Variants in PHF21B observed in about 807,000 individuals in gnomAD.
PHF21B encodes the protein PHD finger protein 21B.
In PHF21B, 22 loss-of-function variants were observed where a neutral mutation model predicts 62.2. The ratio of observed to expected loss-of-function variants is 0.35; its 90% CI spans 0.25 to 0.51. The LOEUF (loss-of-function observed/expected upper bound fraction) is 0.51, where lower values mean the gene tolerates loss of function less well. Ranked by LOEUF, PHF21B falls within the 20% of genes least tolerant of loss-of-function variation. The pLI, the probability that PHF21B is intolerant of heterozygous loss-of-function variation, is 0.97. For synonymous variants in PHF21B, 341 were observed against 314.7 expected, an observed-to-expected ratio of 1.08 and a Z score of -0.88; for missense variants, 701 against 707.9, an observed-to-expected ratio of 0.99 and a Z score of 0.11.
intron 2 of PHF21B, chr22:45,001,134 G>A (rs2073210185): frequency 6.6e-6 from 1 of 152,342 alleles, no homozygotes; most frequent in African/African-American, 2.4e-5. Context: ...CTGGAGATGA[G>A]CAGGGGGCTA....
intron 2 of PHF21B, among the ~76,000 whole-genome samples, chr22:44,947,190 G>A (rs146318563): frequency 1.6e-5 from 2 of 127,552 alleles, no homozygotes; most frequent in African/African-American, 5.8e-5. Flanking sequence ...CAAGATCCCC[G>A]CCCCCACCCT....
At chr22:45,008,007 A>G (rs9615002) in intron 2 of PHF21B, 151,990 of 151,998 alleles carry the variant, frequency 1, 75,991 homozygotes, top group Middle Eastern at 1. Context: ...AGAACTGGGG[A>G]GTCCCGGGGG....
At chr22:44,886,686 A>G (rs2070864833) in intron 10 of PHF21B, among the ~76,000 whole-genome samples, 1 of 148,262 alleles carries the variant, frequency 6.7e-6, no homozygotes, top group African/African-American at 2.5e-5. Context: ...GACCCTGTCT[A>G]CCAAAAAAAA....
chr22:44,893,179 G>A (rs952060815), intron 7 of PHF21B, among the ~76,000 whole-genome samples: 2 of 151,972 alleles, frequency 1.3e-5, no homozygotes, highest in Non-Finnish European at 2.9e-5. Context: ...GGGTGAAGAG[G>A]CAAGAAGCCG....
chr22:45,009,368 C>G lies in PHF21B; in HGVS notation c.54+128G>C. ...GCGCGTGTGCTCACTCCCTCGCCCCCCGCCCCCGGGCAGGCTCCAGCCTGG... is the reference window on the plus strand; with the variant it reads ...GCGCGTGTGCTCACTCCCTCGCCCCGCGCCCCCGGGCAGGCTCCAGCCTGG... On this transcript the variant is annotated intron_variant, in intron 1 of 12. Coordinates refer to ENST00000313237, the MANE Select transcript of PHF21B (RefSeq NM_138415.5). The surrounding 1 kb of genome is among the most constrained non-coding windows in gnomAD (Gnocchi z 5.9). The G allele has an allele frequency of 1.0e-6, 1 of 1,000,746 alleles. No individual in the cohort carries two copies. Among genetic ancestry groups the G allele is most frequent in the Non-Finnish European group, 1.4e-6 (1 of 711,548 alleles). 62.0% of individuals were successfully genotyped at this position (1,000,746 alleles called of 1,614,324 possible). A position where few individuals can be genotyped will look rare whatever the true frequency, so the allele number is the denominator to read the frequency against.
At chr22:44,971,641 GCT>G (rs1004447020) in intron 2 of PHF21B, among the ~76,000 whole-genome samples, 1 of 152,064 alleles carries the variant, frequency 6.6e-6, no homozygotes, top group Non-Finnish European at 1.5e-5. Flanking sequence ...CCCTTGGGCG[GCT>G]CTCTCTCTCC....
intron 2 of PHF21B, among the ~76,000 whole-genome samples, chr22:44,970,203 C>T (rs919664697): frequency 6.6e-6 from 1 of 152,222 alleles, no homozygotes; most frequent in Admixed American, 6.5e-5. Context: ...AGATTAAAAG[C>T]GTCCTGAAGG....
chr22:44,987,245 T>C (rs1601682513), intron 2 of PHF21B, among the ~76,000 whole-genome samples: 1 of 151,484 alleles, frequency 6.6e-6, no homozygotes, highest in African/African-American at 2.4e-5. Flanking sequence ...TAGGAAAAAA[T>C]AATGAAAACA....
At chr22:44,916,234 G>A (rs777037994) in intron 4 of PHF21B, 46 bp downstream of exon 4, 50 of 1,555,578 alleles carry the variant, frequency 3.2e-5, no homozygotes, top group Non-Finnish European at 3.9e-5. Context: ...TCGGCCTCCT[G>A]TATGCGGCCG....
intron 2 of PHF21B, among the ~76,000 whole-genome samples, chr22:44,999,365 C>T (rs1031760717): frequency 6.6e-6 from 1 of 152,146 alleles, no homozygotes; most frequent in African/African-American, 2.4e-5. Flanking sequence ...CCCCCAGCTG[C>T]GAAGGGCTTG....
At chr22:44,963,395 A>G (rs112324801) in intron 2 of PHF21B, among the ~76,000 whole-genome samples, 4 of 152,254 alleles carry the variant, frequency 2.6e-5, no homozygotes, top group African/African-American at 9.6e-5. Flanking sequence ...CCTCACTGTT[A>G]AGGATTTTGT....
At chr22:44,973,592 C>T (rs1216819033) in intron 2 of PHF21B, among the ~76,000 whole-genome samples, 3 of 151,982 alleles carry the variant, frequency 2.0e-5, no homozygotes, top group African/African-American at 7.3e-5. Flanking sequence ...GTGGGGGGCA[C>T]ACTTTTATAA....
chr22:44,954,539 C>T (rs567169465), intron 2 of PHF21B, among the ~76,000 whole-genome samples: 1 of 152,398 alleles, frequency 6.6e-6, no homozygotes, highest in African/African-American at 2.4e-5. Flanking sequence ...GTGTGCAACA[C>T]ACAAAGCGTT....
intron 4 of PHF21B, among the ~76,000 whole-genome samples, chr22:44,915,456 G>A (rs1297390590): frequency 1.3e-5 from 2 of 152,216 alleles, no homozygotes; most frequent in Admixed American, 1.3e-4. Context: ...CACCTTGTCT[G>A]GATCAGGTGC....
At chr22:44,969,501 A>G (rs1014418788) in intron 2 of PHF21B, among the ~76,000 whole-genome samples, 13 of 152,196 alleles carry the variant, frequency 8.5e-5, no homozygotes, top group South Asian at 6.2e-4. Flanking sequence ...CTCCGTCTCT[A>G]CTAAAAATAC....
chr22:44,914,062 A>AG lies in PHF21B; in HGVS notation c.590dup (p.His198SerfsTer144). 1 of 1,040,146 alleles carries AG rather than the reference A, an allele frequency of 9.6e-7. No individual in the cohort carries two copies. Among genetic ancestry groups the AG allele is most frequent in the East Asian group, 2.9e-5 (1 of 34,572 alleles). The allele number at this position is 1,040,146 out of a possible 1,614,324, so 64.4% of individuals were successfully genotyped here. The stretch of plus-strand genomic sequence containing the variant: ...GGGGACAGTGATGGGTTGCGGGGTG[A>AG]GGGGAAGAGAGGAGGCGTGGAGGAG... On this transcript the variant is annotated frameshift_variant, in exon 5 of 13. Coordinates refer to ENST00000313237, the MANE Select transcript of PHF21B (RefSeq NM_138415.5). LOFTEE classifies it high-confidence loss of function.
chr22:44,889,722 AC>A, intron 9 of PHF21B, 37 bp downstream of exon 9: 1 of 1,579,636 alleles, frequency 6.3e-7, no homozygotes, highest in Non-Finnish European at 8.6e-7. Context: ...AACATTCTCC[AC>A]CCCGGAAGTG....
intron 2 of PHF21B, among the ~76,000 whole-genome samples, chr22:44,940,445 G>T (rs988071909): frequency 6.6e-6 from 1 of 152,234 alleles, no homozygotes; most frequent in Non-Finnish European, 1.5e-5. Flanking sequence ...ACCGCGCAGC[G>T]GGGGCCAACA....
chr22:44,911,210 C>T (rs2071338391), intron 5 of PHF21B, among the ~76,000 whole-genome samples: 1 of 152,116 alleles, frequency 6.6e-6, no homozygotes, highest in Non-Finnish European at 1.5e-5. Context: ...AAAGGGGAAA[C>T]AGAGCATAAA....
Sources: gnomAD v4.1 joint callset for allele counts (sites outside exome capture counted in the v4.1 genomes callset) on GRCh38, gnomAD v4.1.1 for gene constraint, Gnocchi (gnomAD v3.1) non-coding constraint, MANE v1.5 for transcripts, NCBI Gene and HGNC (gene_info 2026-07-23, HGNC 2026-07-21) for gene names.